CTNNA3: variants seen among roughly 807,000 people sequenced by gnomAD.
CTNNA3 encodes catenin alpha 3.
In CTNNA3, 76 loss-of-function variants were observed where a neutral mutation model predicts 95.7. That is an observed-to-expected ratio of 0.79 (90% CI 0.66 to 0.96). The LOEUF (loss-of-function observed/expected upper bound fraction) is 0.96. Among genes scored for constraint, CTNNA3 ranks in the 40% least tolerant of loss-of-function variants. The probability of loss-of-function intolerance (pLI) is 0.00; values close to 1 mark genes in which losing one functional copy is unlikely to be tolerated. For synonymous variants in CTNNA3, 431 were observed against 374.4 expected (o/e 1.15, Z -1.74); for missense variants, 1,191 against 1,089.8 (o/e 1.09, Z -1.31).
chr10:67,012,272 T>C (rs912465284), intron 7 of CTNNA3: 1 of 152,122 alleles, frequency 6.6e-6, no homozygotes, highest in African/African-American at 2.4e-5. Flanking sequence ...ACCCATTCAT[T>C]TCATGGGTAG....
At chr10:67,041,914 C>A (rs991487045) in intron 7 of CTNNA3, among the ~76,000 whole-genome samples, 7 of 152,012 alleles carry the variant, frequency 4.6e-5, no homozygotes, top group Non-Finnish European at 8.8e-5. Context: ...TTCATAAAAG[C>A]AATTGTACTG....
At chr10:66,493,599 A>ATTTTTTTTTTTTTTTTTTTTTTT (rs528761424) in intron 11 of CTNNA3, among the ~76,000 whole-genome samples, 6 of 112,022 alleles carry the variant, frequency 5.4e-5, no homozygotes, top group East Asian at 3.7e-4. Context: ...TAACTACAGT[A>ATTTTTTTTTTTTTTTTTTTTTTT]TTTTTTTTTT....
chr10:67,488,034 T>C (rs1848511196), intron 5 of CTNNA3, among the ~76,000 whole-genome samples: 1 of 152,162 alleles, frequency 6.6e-6, no homozygotes, highest in Non-Finnish European at 1.5e-5. Flanking sequence ...GATTCATGCA[T>C]CTAAGTATGT....
At chr10:66,658,629 AAAG>A (rs911599547) in intron 9 of CTNNA3, among the ~76,000 whole-genome samples, 30 of 152,168 alleles carry the variant, frequency 2.0e-4, no homozygotes, top group African/African-American at 7.2e-4. Context: ...AAAGCGGAAA[AAAG>A]AAGAGGTGTG....
chr10:66,810,052 G>A (rs753186045), intron 7 of CTNNA3, among the ~76,000 whole-genome samples: 7 of 152,150 alleles, frequency 4.6e-5, no homozygotes, highest in South Asian at 2.1e-4. Context: ...TGATCCACCT[G>A]CCTCGGCCTC....
Position 67,036,562 on chromosome 10 carries a change from A to G in CTNNA3, c.1047+143755T>C, listed in dbSNP as rs562407024. On this transcript the variant is annotated intron_variant, in intron 7 of 17. Coordinates refer to ENST00000433211, the MANE Select transcript of CTNNA3 (RefSeq NM_013266.4). ...TTTTAAAAAAATTTTTGGTAGAGAC[A>G]AGGTCTCCATGTTGCCCAGGCTAGT... 3.9e-5 allele frequency among the ~76,000 whole-genome samples: 6 copies of G among 152,106 alleles called. No individual in the cohort carries two copies. In the East Asian group the frequency reaches 1.2e-3, roughly 29 times the overall value.
At chr10:67,113,747 G>C (rs1008233050) in intron 7 of CTNNA3, among the ~76,000 whole-genome samples, 1 of 152,070 alleles carries the variant, frequency 6.6e-6, no homozygotes, top group Non-Finnish European at 1.5e-5. Flanking sequence ...TAAATGTTTG[G>C]ATATAATTAT....
At chr10:66,298,969 C>G (rs2091822871) in intron 12 of CTNNA3, among the ~76,000 whole-genome samples, 5 of 152,118 alleles carry the variant, frequency 3.3e-5, no homozygotes, top group Admixed American at 3.3e-4. Flanking sequence ...GAAGTCATCC[C>G]TCTGCTCATT....
At chr10:66,097,882 G>A (rs900998584) in intron 14 of CTNNA3, 2 of 152,096 alleles carry the variant, frequency 1.3e-5, no homozygotes, top group African/African-American at 4.8e-5. Context: ...AGGCCAATGT[G>A]ATGAGACAAT....
rs372602030 is a variant in CTNNA3, at chr10:66,470,853, T to TA, written c.1531+49763dup. ...CTTGAAAAGAATAGACTGCATGAGG[T>TA]AAAAAAATATGTATATCTGAAGGAC... On this transcript the variant is annotated intron_variant, in intron 11 of 17. Transcript: ENST00000433211. Among the ~76,000 whole-genome samples the TA allele has an allele frequency of 6.0e-3, 908 of 151,766 alleles. 11 individuals are homozygous for TA. Among genetic ancestry groups the TA allele is most frequent in the African/African-American group, 0.021 (861 of 41,416 alleles).
At chr10:66,019,697 G>C (rs912001442) in intron 15 of CTNNA3, among the ~76,000 whole-genome samples, 1 of 151,660 alleles carries the variant, frequency 6.6e-6, no homozygotes, top group Non-Finnish European at 1.5e-5. Context: ...AAGTCAAGGA[G>C]AAATCAAAAT....
chr10:66,756,667 T>C (rs1018974687), intron 9 of CTNNA3, among the ~76,000 whole-genome samples: 3 of 152,054 alleles, frequency 2.0e-5, no homozygotes, highest in Non-Finnish European at 1.5e-5. Context: ...GCTGATCTCC[T>C]CTGTGTTTCT....
chr10:67,589,976 TA>T (rs1010248003), intron 3 of CTNNA3, among the ~76,000 whole-genome samples: 1 of 152,108 alleles, frequency 6.6e-6, no homozygotes, highest in African/African-American at 2.4e-5. Flanking sequence ...CTCATGATGC[TA>T]AAAAAATCTC....
intron 10 of CTNNA3, among the ~76,000 whole-genome samples, chr10:66,543,589 C>A (rs1482440912): frequency 6.6e-6 from 1 of 151,850 alleles, no homozygotes; most frequent in Non-Finnish European, 1.5e-5. Flanking sequence ...ATCATGATTT[C>A]TGGTAGAGAA....
intron 9 of CTNNA3, among the ~76,000 whole-genome samples, chr10:66,700,497 GT>G (rs1847908606): frequency 6.6e-6 from 1 of 152,070 alleles, no homozygotes; most frequent in Non-Finnish European, 1.5e-5. Flanking sequence ...CCATGCATCT[GT>G]TTTTATGCCA....
intron 9 of CTNNA3, among the ~76,000 whole-genome samples, chr10:66,691,466 C>A (rs945097443): frequency 1.3e-5 from 2 of 152,220 alleles, no homozygotes; most frequent in Admixed American, 1.3e-4. Flanking sequence ...GAAGCTCGAA[C>A]TAGGTGGAGC....
rs186677079 is a variant in CTNNA3, at chr10:67,486,616, T to G, written c.579+35226A>C. 3.6e-3 allele frequency among the ~76,000 whole-genome samples: 552 copies of G among 152,240 alleles called. 8 individuals are homozygous for G. Among genetic ancestry groups the G allele is most frequent in the African/African-American group, 0.013 (529 of 41,548 alleles). On this transcript the variant is annotated intron_variant, in intron 5 of 17. Transcript: ENST00000433211. ...AAACAGTAAGATTATTGTAAAAGTA[T>G]TTCAAGGATTACAGGAAATAATAAG...
chr10:66,298,594 G>A (rs571344449), intron 12 of CTNNA3, among the ~76,000 whole-genome samples: 3 of 151,994 alleles, frequency 2.0e-5, no homozygotes, highest in Non-Finnish European at 2.9e-5. Flanking sequence ...TTTCTCTCAG[G>A]AAATCACCAT....
chr10:67,710,530 C>T (rs78411649), intron 1 of CTNNA3, among the ~76,000 whole-genome samples: 1,874 of 152,214 alleles, frequency 0.012, 47 homozygotes, highest in African/African-American at 0.042. Context: ...TTTTGGGGGC[C>T]TAGCCTCCAG....
Sources: gnomAD v4.1 joint callset for allele counts (sites outside exome capture counted in the v4.1 genomes callset) on GRCh38, gnomAD v4.1.1 for gene constraint, MANE v1.5 for transcripts, NCBI Gene and HGNC (gene_info 2026-07-23, HGNC 2026-07-21) for gene names.